Variants in KANSL1 observed in about 807,000 individuals in gnomAD.
KANSL1 encodes KAT8 regulatory NSL complex subunit 1, also known as MLL1/MLL complex subunit KANSL1.
In KANSL1, 22 loss-of-function variants were observed where a neutral mutation model predicts 103.6. The ratio of observed to expected loss-of-function variants is 0.21; its 90% CI spans 0.15 to 0.30. The LOEUF is 0.30. Among genes scored for constraint, KANSL1 ranks in the 10% least tolerant of loss-of-function variants. The pLI, the probability that KANSL1 is intolerant of heterozygous loss-of-function variation, is 1.00. For synonymous variants in KANSL1, 600 were observed against 527.6 expected (o/e 1.14, Z -1.88); for missense variants, 1,337 against 1,399.8 (o/e 0.96, Z 0.72).
At chr17:46,215,638 G>A (rs1486391766) in intron 1 of KANSL1, among the ~76,000 whole-genome samples, 7 of 152,210 alleles carry the variant, frequency 4.6e-5, no homozygotes, top group Non-Finnish European at 8.8e-5. Context: ...GGAACCCAGA[G>A]GCCTCTCAAA....
intron 2 of KANSL1, among the ~76,000 whole-genome samples, chr17:46,134,602 G>C (rs1239731257): frequency 6.6e-6 from 1 of 152,168 alleles, no homozygotes; most frequent in African/African-American, 2.4e-5. Flanking sequence ...CACTTTGGGA[G>C]GCCGAGGCAG....
At chr17:46,221,874 A>G (rs2048542240) in intron 1 of KANSL1, 1 of 152,174 alleles carries the variant, frequency 6.6e-6, no homozygotes, top group Non-Finnish European at 1.5e-5. Context: ...TGTTTTAAGG[A>G]TATTCACCAA....
intron 1 of KANSL1, among the ~76,000 whole-genome samples, chr17:46,187,478 A>G (rs1415484768): frequency 6.6e-6 from 1 of 152,222 alleles, no homozygotes. Flanking sequence ...CATTTAGATA[A>G]AACTGCACTC....
intron 1 of KANSL1, among the ~76,000 whole-genome samples, chr17:46,183,223 G>A (rs1249553792): frequency 6.6e-6 from 1 of 152,154 alleles, no homozygotes; most frequent in Non-Finnish European, 1.5e-5. Flanking sequence ...GGAGTTCAAG[G>A]CCAGCCTAGG....
chr17:46,105,640 A>G (rs900256488), intron 2 of KANSL1, among the ~76,000 whole-genome samples: 9 of 152,076 alleles, frequency 5.9e-5, no homozygotes, highest in Admixed American at 5.9e-4. Context: ...AAAAAACCCC[A>G]AAATGATCAC....
At chr17:46,167,016 G>GA (rs1198229254) in intron 2 of KANSL1, among the ~76,000 whole-genome samples, 1,269 of 89,000 alleles carry the variant, frequency 0.014, 16 homozygotes, top group African/African-American at 0.051. Context: ...AGAAAAAAAA[G>GA]AAAAAAAAAA....
At chr17:46,050,418 C>G (rs1400580202) in intron 7 of KANSL1, 115 bp downstream of exon 7, 2 of 1,096,272 alleles carry the variant, frequency 1.8e-6, no homozygotes, top group Admixed American at 2.8e-5. Flanking sequence ...ACTTGGTTGA[C>G]GAAAGTTGTA....
intron 1 of KANSL1, among the ~76,000 whole-genome samples, chr17:46,210,387 C>T (rs1157841637): frequency 9.4e-5 from 14 of 149,550 alleles, no homozygotes; most frequent in African/African-American, 2.0e-4. Context: ...GCAGGAGAAA[C>T]GCTTGAACCC....
intron 4 of KANSL1, among the ~76,000 whole-genome samples, chr17:46,075,518 G>T (rs562862745): frequency 6.6e-6 from 1 of 152,220 alleles, no homozygotes; most frequent in African/African-American, 2.4e-5. Context: ...TGTATTTTTA[G>T]TAGAGACGGG....
At chr17:46,219,250 TAA>T (rs66536813) in intron 1 of KANSL1, among the ~76,000 whole-genome samples, 2 of 135,246 alleles carry the variant, frequency 1.5e-5, no homozygotes, top group South Asian at 2.3e-4. Flanking sequence ...TCTTGTCTCA[TAA>T]AAAAAAAAAA....
rs147385321 is a variant in KANSL1, at chr17:46,141,991, C to T, written c.1289+28864G>A. 7.5e-4 allele frequency among the ~76,000 whole-genome samples: 114 copies of T among 152,276 alleles called. 1 individual carries two copies. Among genetic ancestry groups the T allele is most frequent in the African/African-American group, 2.6e-3 (107 of 41,542 alleles). On this transcript the variant is annotated intron_variant, in intron 2 of 14. Coordinates refer to ENST00000432791, the MANE Select transcript of KANSL1 (RefSeq NM_015443.4). ...GCAACCTCCACCTACCAGGTTCAAG[C>T]GATTCTCCAGCCTCAGCCTCCCGAG... is the stretch of plus-strand genomic sequence containing the variant.
At chr17:46,077,721 A>G (rs1418319724) in intron 4 of KANSL1, among the ~76,000 whole-genome samples, 1 of 151,748 alleles carries the variant, frequency 6.6e-6, no homozygotes, top group African/African-American at 2.4e-5. Context: ...CCACGCTTGG[A>G]TAATTTTTGT....
chr17:46,105,607 C>T (rs1042692731), intron 2 of KANSL1, among the ~76,000 whole-genome samples: 2 of 136,434 alleles, frequency 1.5e-5, no homozygotes, highest in African/African-American at 2.5e-5. Flanking sequence ...AAGAGTGAAA[C>T]CCTGTCTCAA....
At chr17:46,219,040 C>A (rs1174116633) in intron 1 of KANSL1, among the ~76,000 whole-genome samples, 15 of 151,980 alleles carry the variant, frequency 9.9e-5, no homozygotes, top group African/African-American at 3.6e-4. Flanking sequence ...GCGGGTGGAT[C>A]ACCTGAGGTC....
intron 1 of KANSL1, 58 bp downstream of exon 1, chr17:46,192,765 C>A: frequency 6.3e-6 from 1 of 157,756 alleles, no homozygotes; most frequent in Non-Finnish European, 1.4e-5. Flanking sequence ...ACAGGGAGAG[C>A]GAGGAGAAGG....
rs557230261 is a variant in KANSL1, at chr17:46,084,569, C to A, written c.1432-2027G>T. Among the ~76,000 whole-genome samples, 8 of 151,894 alleles carry A rather than the reference C, an allele frequency of 5.3e-5. No individual in the cohort carries two copies. The East Asian group carries it at 1.2e-3, about 22-fold the overall frequency. ...TGGTGGTGAGCCCCTGTAATCCCAG[C>A]TACTTGGGAGGCTGAGGCAGGAGAA... On this transcript the variant is annotated intron_variant, in intron 3 of 14. Transcript: ENST00000432791.
intron 1 of KANSL1, among the ~76,000 whole-genome samples, chr17:46,189,651 A>C (rs934310877): frequency 6.6e-6 from 1 of 152,202 alleles, no homozygotes; most frequent in Non-Finnish European, 1.5e-5. Flanking sequence ...TGGGAGGCCG[A>C]GGCAGGTGGA....
intron 2 of KANSL1, among the ~76,000 whole-genome samples, chr17:46,130,188 A>C (rs928919825): frequency 5.3e-5 from 3 of 56,512 alleles, no homozygotes; most frequent in South Asian, 5.0e-4. Context: ...TCCTGTCTCC[A>C]AAAAAAAAAA....
intron 1 of KANSL1, among the ~76,000 whole-genome samples, chr17:46,214,010 CACAG>C: frequency 1.3e-5 from 2 of 152,232 alleles, no homozygotes; most frequent in South Asian, 4.1e-4. Context: ...ATATAAACAT[CACAG>C]ACCTAAATAT....
Sources: gnomAD v4.1 joint callset for allele counts (sites outside exome capture counted in the v4.1 genomes callset) on GRCh38, gnomAD v4.1.1 for gene constraint, MANE v1.5 for transcripts, NCBI Gene and HGNC (gene_info 2026-07-23, HGNC 2026-07-21) for gene names.